MAGI2: variants seen among roughly 807,000 people sequenced by gnomAD.
MAGI2 encodes the protein membrane-associated guanylate kinase, WW and PDZ domain-containing protein 2.
In MAGI2, 35 loss-of-function variants were observed where a neutral mutation model predicts 133.3. The ratio of observed to expected loss-of-function variants is 0.26; its 90% CI spans 0.20 to 0.35. The LOEUF (loss-of-function observed/expected upper bound fraction) is 0.35, where lower values mean the gene tolerates loss of function less well. Among genes scored for constraint, MAGI2 ranks in the 10% least tolerant of loss-of-function variants. The pLI, the probability that MAGI2 is intolerant of heterozygous loss-of-function variation, is 1.00. For synonymous variants in MAGI2, 729 were observed against 710.6 expected (o/e 1.03, Z -0.41); for missense variants, 1,636 against 1,863.4 (o/e 0.88, Z 2.25).
intron 6 of MAGI2, among the ~76,000 whole-genome samples, chr7:78,397,476 A>G (rs1796461453): frequency 6.6e-6 from 1 of 151,876 alleles, no homozygotes. Flanking sequence ...ACAGGTTTCT[A>G]GGCAAATCAA....
chr7:79,187,856 G>T (rs1297574364), intron 1 of MAGI2, among the ~76,000 whole-genome samples: 1 of 151,716 alleles, frequency 6.6e-6, no homozygotes. Flanking sequence ...AGAAAATTAA[G>T]AATTGAGATA....
At chr7:78,545,451 A>T (rs763855722) in intron 3 of MAGI2, among the ~76,000 whole-genome samples, 57 of 152,030 alleles carry the variant, frequency 3.7e-4, no homozygotes, top group Non-Finnish European at 5.3e-4. Context: ...GACCTCAGTG[A>T]TCCACTCACC....
intron 2 of MAGI2, among the ~76,000 whole-genome samples, chr7:78,769,772 T>C (rs889816652): frequency 3.9e-5 from 6 of 152,190 alleles, no homozygotes; most frequent in Admixed American, 2.0e-4. Flanking sequence ...CAGAACATTT[T>C]CTTAAAGAGT....
intron 2 of MAGI2, among the ~76,000 whole-genome samples, chr7:78,960,343 A>C (rs978876670): frequency 6.6e-6 from 1 of 152,142 alleles, no homozygotes; most frequent in African/African-American, 2.4e-5. Context: ...GTTCATTCAT[A>C]TAACGATACC....
chr7:79,147,832 G>A (rs1014638034), intron 1 of MAGI2, among the ~76,000 whole-genome samples: 2 of 152,148 alleles, frequency 1.3e-5, no homozygotes, highest in Non-Finnish European at 2.9e-5. Context: ...CAGGTGCCAG[G>A]CCCTGGGTGC....
chr7:78,327,452 T>C (rs1788701073), intron 9 of MAGI2, among the ~76,000 whole-genome samples: 3 of 152,202 alleles, frequency 2.0e-5, no homozygotes, highest in African/African-American at 4.8e-5. Flanking sequence ...CAATGAGTGA[T>C]TCTCCTGTAG....
chr7:78,989,066 A>G (rs952977199), intron 2 of MAGI2, among the ~76,000 whole-genome samples: 2 of 152,074 alleles, frequency 1.3e-5, no homozygotes, highest in African/African-American at 2.4e-5. Flanking sequence ...GTATGCATGG[A>G]CATCTGAGTG....
intron 4 of MAGI2, among the ~76,000 whole-genome samples, chr7:78,505,759 G>A (rs375054732): frequency 6.6e-6 from 1 of 152,186 alleles, no homozygotes; most frequent in African/African-American, 2.4e-5. Context: ...GATGAGTGCT[G>A]CCTAAGGGAA....
chr7:78,170,778 A>G (rs530338002), intron 14 of MAGI2: 13 of 151,774 alleles, frequency 8.6e-5, no homozygotes, highest in African/African-American at 2.2e-4. Flanking sequence ...CATATTCACT[A>G]TAACACAAGT....
At chr7:79,259,967 A>G (rs552125022) in intron 1 of MAGI2, among the ~76,000 whole-genome samples, 3 of 152,208 alleles carry the variant, frequency 2.0e-5, no homozygotes, top group Non-Finnish European at 2.9e-5. Flanking sequence ...TGAGAATCCA[A>G]TGTGTTTGAT....
Position 79,171,770 on chromosome 7 carries a change from A to ATTTT in MAGI2, c.302-164568_302-164565dup, listed in dbSNP as rs144599296. Among the ~76,000 whole-genome samples, 43 of 31,202 alleles carry ATTTT rather than the reference A, an allele frequency of 1.4e-3. 4 individuals are homozygous for ATTTT. The highest frequency in any genetic ancestry group is 2.6e-3 in the Non-Finnish European group (23 of 9,004). 20.5% of individuals were successfully genotyped at this position (31,202 alleles called of 152,430 possible). The stretch of plus-strand genomic sequence containing the variant: ...TATATATATATATATATATATATAT[A>ATTTT]TTTTTTTTTTTTTTTTCTTTTAAAG... On this transcript the variant is annotated intron_variant, in intron 1 of 21. Coordinates refer to ENST00000354212, the MANE Select transcript of MAGI2 (RefSeq NM_012301.4).
intron 1 of MAGI2, among the ~76,000 whole-genome samples, chr7:79,213,888 T>C (rs1284449123): frequency 6.6e-6 from 1 of 152,030 alleles, no homozygotes; most frequent in African/African-American, 2.4e-5. Flanking sequence ...TTCTCCACAG[T>C]TTATTTAGCT....
intron 1 of MAGI2, among the ~76,000 whole-genome samples, chr7:79,060,161 A>G (rs1437176646): frequency 6.6e-6 from 1 of 152,110 alleles, no homozygotes; most frequent in East Asian, 1.9e-4. Context: ...TAAGAAAGGA[A>G]GACTCAGAAA....
In MAGI2 at chr7:78,640,907, G is replaced by T. The variant is rs372576676; in HGVS notation, c.419-13668C>A. 9.9e-5 allele frequency among the ~76,000 whole-genome samples: 15 copies of T among 152,280 alleles called. No homozygotes were observed. In the South Asian group the frequency reaches 3.1e-3, roughly 32 times the overall value. On this transcript the variant is annotated intron_variant, in intron 2 of 21. Coordinates refer to ENST00000354212, the MANE Select transcript of MAGI2 (RefSeq NM_012301.4). ...TGTGTCCCCACCCAAATCTCATCTT[G>T]AATTGTCATTCCCATAATCCCTGCA...
intron 2 of MAGI2, among the ~76,000 whole-genome samples, chr7:78,990,098 A>G (rs1213595960): frequency 6.6e-6 from 1 of 152,164 alleles, no homozygotes; most frequent in Non-Finnish European, 1.5e-5. Flanking sequence ...TACTTTCTGC[A>G]AGGCATTGCT....
At chr7:78,060,571 A>G (rs10251504) in intron 21 of MAGI2, among the ~76,000 whole-genome samples, 68,274 of 152,136 alleles carry the variant, frequency 0.45, 15,310 homozygotes, top group East Asian at 0.52. Context: ...GAGAACAGGA[A>G]AGAAGCATGA....
chr7:78,826,612 C>T (rs1269816737), intron 2 of MAGI2, among the ~76,000 whole-genome samples: 2 of 152,004 alleles, frequency 1.3e-5, no homozygotes, highest in Non-Finnish European at 2.9e-5. Context: ...TGTCAAATAT[C>T]ATGGAATTCT....
At chr7:79,210,348 A>T (rs74965817) in intron 1 of MAGI2, among the ~76,000 whole-genome samples, 5,382 of 152,158 alleles carry the variant, frequency 0.035, 169 homozygotes, top group African/African-American at 0.062. Context: ...TATAACATGC[A>T]TACTTTCTGA....
At chr7:78,239,973 A>G (rs888714531) in intron 10 of MAGI2, among the ~76,000 whole-genome samples, 1 of 151,258 alleles carries the variant, frequency 6.6e-6, no homozygotes, top group Non-Finnish European at 1.5e-5. Flanking sequence ...TTTTTTTTCT[A>G]TTTGTTTCCT....
Sources: gnomAD v4.1 joint callset for allele counts (sites outside exome capture counted in the v4.1 genomes callset) on GRCh38, gnomAD v4.1.1 for gene constraint, MANE v1.5 for transcripts, NCBI Gene and HGNC (gene_info 2026-07-23, HGNC 2026-07-21) for gene names.